SUMF1: variants seen among roughly 807,000 people sequenced by gnomAD.
SUMF1 encodes the protein sulfatase modifying factor 1.
SUMF1 carries 48 observed loss-of-function variants against 47.6 expected under a neutral mutation model. The observed-to-expected ratio is 1.01, with a 90% CI of 0.80 to 1.28. The LOEUF is 1.28. SUMF1 is among the 50% of genes most tolerant of loss of function. The probability of loss-of-function intolerance (pLI) is 0.00; values close to 1 mark genes in which losing one functional copy is unlikely to be tolerated. For missense variants in SUMF1, 571 were observed against 485.4 expected (o/e 1.18, Z -1.66); for synonymous variants, 230 against 192.1 (o/e 1.20, Z -1.63).
At chr3:4,334,630 CAAT>C (rs1230089095) in intron 8 of SUMF1, among the ~76,000 whole-genome samples, 1 of 152,136 alleles carries the variant, frequency 6.6e-6, no homozygotes, top group Non-Finnish European at 1.5e-5. Context: ...GGGAATGGAT[CAAT>C]AATAAGTTGG....
intron 8 of SUMF1, among the ~76,000 whole-genome samples, chr3:4,086,224 A>T (rs1228851925): frequency 6.6e-6 from 1 of 152,062 alleles, no homozygotes; most frequent in Non-Finnish European, 1.5e-5. Context: ...AGAAAAAAAA[A>T]AAAAACAGAA....
intron 8 of SUMF1, among the ~76,000 whole-genome samples, chr3:4,158,206 T>C (rs920327229): frequency 9.9e-5 from 15 of 151,652 alleles, no homozygotes; most frequent in African/African-American, 3.4e-4. Flanking sequence ...TACAAGGCAG[T>C]ATGCAGTAAG....
chr3:4,035,103 T>C (rs1162835760), intron 9 of SUMF1, among the ~76,000 whole-genome samples: 2 of 151,918 alleles, frequency 1.3e-5, no homozygotes, highest in Non-Finnish European at 2.9e-5. Flanking sequence ...CATAATAAAG[T>C]GGGGGACATT....
At chr3:4,177,895 A>G (rs1695002276) in intron 8 of SUMF1, among the ~76,000 whole-genome samples, 1 of 152,204 alleles carries the variant, frequency 6.6e-6, no homozygotes, top group South Asian at 2.1e-4. Flanking sequence ...ATCTACCATC[A>G]GAGAATACTA....
At position 4,141,095 on chromosome 3, in the gene SUMF1, C is replaced by G. The variant is rs533725609; in HGVS notation, c.1015-72350G>C. ...ATATAATGAGATTAGTATTTAGAGA[C>G]TGTTATGAGAATAGGTCAAGTCAGT... On this transcript the variant is annotated intron_variant and NMD_transcript_variant, in intron 8 of 12. Transcript: ENST00000448413. 2.0e-5 allele frequency among the ~76,000 whole-genome samples: 3 copies of G among 152,226 alleles called. No individual in the cohort carries two copies. The East Asian group carries it at 5.8e-4, about 29-fold the overall frequency.
chr3:4,432,107 T>C lies in SUMF1; in HGVS notation c.520-11961A>G, dbSNP rs929181454. Among the ~76,000 whole-genome samples, 19 of 152,056 alleles carry C rather than the reference T, an allele frequency of 1.2e-4. 1 individual carries two copies. The highest frequency in any genetic ancestry group is 4.4e-5 in the Non-Finnish European group (3 of 68,020). On this transcript the variant is annotated intron_variant, in intron 3 of 8. Coordinates refer to ENST00000272902, the MANE Select transcript of SUMF1 (RefSeq NM_182760.4). ...AATAGATCAAGTTCTTTTTCCATCA[T>C]CTTTCAGACATTTGTAGAATAATCA...
At chr3:4,215,084 G>C (rs1174496175) in intron 8 of SUMF1, among the ~76,000 whole-genome samples, 1 of 152,088 alleles carries the variant, frequency 6.6e-6, no homozygotes, top group Non-Finnish European at 1.5e-5. Context: ...ATCTGGCAGA[G>C]ACACAACAAA....
At position 4,343,998 on chromosome 3, in the gene SUMF1, A is replaced by G. The variant is rs572650798; in HGVS notation, c.1014+32332T>C. Among the ~76,000 whole-genome samples the G allele has an allele frequency of 2.8e-4, 42 of 152,382 alleles. No individual in the cohort carries two copies. The South Asian group carries it at 8.7e-3, about 32-fold the overall frequency. ...AGAACTTTCACAAGATATACAAAAT[A>G]AATTAAATGAATAGCCTTTATAGTA... is the stretch of plus-strand genomic sequence containing the variant. On this transcript the variant is annotated intron_variant and NMD_transcript_variant, in intron 8 of 12. Transcript: ENST00000448413.
chr3:4,340,301 C>T (rs1181714187), intron 8 of SUMF1, among the ~76,000 whole-genome samples: 1 of 152,174 alleles, frequency 6.6e-6, no homozygotes, highest in South Asian at 2.1e-4. Context: ...AGCCTCAACC[C>T]ACATAACTTC....
At chr3:4,341,503 G>A (rs1451925177) in intron 8 of SUMF1, among the ~76,000 whole-genome samples, 1 of 151,878 alleles carries the variant, frequency 6.6e-6, no homozygotes, top group Non-Finnish European at 1.5e-5. Context: ...TGGACAAAGG[G>A]TTTTTTGTTT....
chr3:4,103,975 G>T (rs1427785894), intron 8 of SUMF1, among the ~76,000 whole-genome samples: 2 of 152,124 alleles, frequency 1.3e-5, no homozygotes, highest in East Asian at 3.9e-4. Flanking sequence ...CTAAGTTTTT[G>T]TCTTTACATC....
Position 4,157,552 on chromosome 3 carries a change from A to T in SUMF1, c.1015-88807T>A, listed in dbSNP as rs554803339. 1.5e-4 allele frequency among the ~76,000 whole-genome samples: 23 copies of T among 151,622 alleles called. 1 individual carries two copies. Among genetic ancestry groups the T allele is most frequent in the Non-Finnish European group, 2.4e-4 (16 of 67,970 alleles). ...CTCAGGATCACTTTCTCAGAATCAC[A>T]TATCACTGGAAGGGCAAGAGTTGAC... On this transcript the variant is annotated intron_variant and NMD_transcript_variant, in intron 8 of 12. Transcript: ENST00000448413.
chr3:4,264,223 C>G (rs764702068), intron 8 of SUMF1, among the ~76,000 whole-genome samples: 1 of 152,114 alleles, frequency 6.6e-6, no homozygotes, highest in Non-Finnish European at 1.5e-5. Flanking sequence ...AACCCAGTTA[C>G]GCTGAGTCAG....
At chr3:4,295,468 G>A (rs1473780272) in intron 8 of SUMF1, among the ~76,000 whole-genome samples, 4 of 151,866 alleles carry the variant, frequency 2.6e-5, no homozygotes, top group African/African-American at 7.3e-5. Flanking sequence ...TTATAGATGA[G>A]AAGGAAGATC....
intron 8 of SUMF1, among the ~76,000 whole-genome samples, chr3:4,340,461 G>C (rs1366272832): frequency 6.6e-6 from 1 of 152,130 alleles, no homozygotes; most frequent in African/African-American, 2.4e-5. Flanking sequence ...AGCCACTGCT[G>C]GAATCTGAGC....
chr3:4,106,876 C>T (rs1215195427), intron 8 of SUMF1, among the ~76,000 whole-genome samples: 1 of 152,082 alleles, frequency 6.6e-6, no homozygotes, highest in Non-Finnish European at 1.5e-5. Flanking sequence ...TTAGAATCCT[C>T]ATAATAAAGC....
intron 8 of SUMF1, among the ~76,000 whole-genome samples, chr3:4,156,805 A>C (rs1023020783): frequency 6.6e-6 from 1 of 151,730 alleles, no homozygotes; most frequent in Non-Finnish European, 1.5e-5. Flanking sequence ...ATTTGAGTTC[A>C]ACTCAAAGAG....
intron 8 of SUMF1, among the ~76,000 whole-genome samples, chr3:4,312,157 G>T (rs1010348458): frequency 6.6e-6 from 1 of 151,786 alleles, no homozygotes; most frequent in Admixed American, 6.6e-5. Flanking sequence ...AGCATTTTTG[G>T]AATTCTGTGT....
At chr3:4,180,985 T>A (rs1271699442) in intron 8 of SUMF1, among the ~76,000 whole-genome samples, 1 of 152,138 alleles carries the variant, frequency 6.6e-6, no homozygotes, top group Non-Finnish European at 1.5e-5. Flanking sequence ...ATAATAACAA[T>A]ACATTTGGTT....
Sources: gnomAD v4.1 joint callset for allele counts (sites outside exome capture counted in the v4.1 genomes callset) on GRCh38, gnomAD v4.1.1 for gene constraint, MANE v1.5 for transcripts, NCBI Gene and HGNC (gene_info 2026-07-23, HGNC 2026-07-21) for gene names.